Variants in FBN3 observed in about 807,000 individuals in gnomAD.
FBN3 encodes the protein fibrillin 3.
Under a neutral mutation model 330.1 loss-of-function variants are expected in FBN3, and 234 were observed. That is an observed-to-expected ratio of 0.71 (90% CI 0.64 to 0.79). The LOEUF (loss-of-function observed/expected upper bound fraction) is 0.79. Ranked by LOEUF, FBN3 falls within the 30% of genes least tolerant of loss-of-function variation. The pLI is 0.00. For synonymous variants in FBN3, 1,458 were observed against 1,517.3 expected, an observed-to-expected ratio of 0.96 and a Z score of 0.91; for missense variants, 3,606 against 3,886.9, an observed-to-expected ratio of 0.93 and a Z score of 1.92.
Position 8,117,574 on chromosome 19 carries a change from G to T in FBN3, c.3353C>A (p.Ser1118Tyr). 1 of 1,553,024 alleles carries T rather than the reference G, an allele frequency of 6.4e-7. No homozygotes were observed. ...GTACEDIDEC[S>Y]LSDGLCPHGQ... ...ATGGGGACACAGGCCATCACTCAGG[G>T]AGCACTCATCGATGTCTGTGGGGGA... Residue 1118 changes from serine to tyrosine, a missense_variant, in exon 27 of 64, where the codon TCC (serine) becomes TAC (tyrosine). By Grantham distance (144) the Ser-to-Tyr change is moderately radical (BLOSUM62 -2). Transcript: ENST00000600128.
intron 27 of FBN3, 77 bp downstream of exon 27, chr19:8,117,387 G>A: frequency 6.5e-7 from 1 of 1,545,646 alleles, no homozygotes; most frequent in South Asian, 1.2e-5. Flanking sequence ...TGGAGTTGAG[G>A]TGAGGACAGG....
rs753776208 is a variant in FBN3 at position 8,123,460 on chromosome 19, C to G, written c.3082+4G>C. The G allele has an allele frequency of 3.7e-6, 6 of 1,613,466 alleles. No homozygotes were observed. In the South Asian group the frequency reaches 6.6e-5, roughly 18 times the overall value. ...TCTCTCCAAGAGGCAGAGGTGGCACCTACCTGTGCAGTTCCGTTCCTGGGC... is the reference window on the plus strand; with the variant it reads ...TCTCTCCAAGAGGCAGAGGTGGCACGTACCTGTGCAGTTCCGTTCCTGGGC... On this transcript the variant is annotated splice_donor_region_variant and intron_variant, in intron 24 of 63. Transcript: ENST00000600128.
chr19:8,076,775 T>G (rs1056536768), intron 59 of FBN3, among the ~76,000 whole-genome samples: 1 of 152,208 alleles, frequency 6.6e-6, no homozygotes, highest in African/African-American at 2.4e-5. Flanking sequence ...TAATTTTGGT[T>G]TTTTTAGATA....
intron 53 of FBN3, 83 bp from the exon 54 acceptor site, chr19:8,087,294 C>G: frequency 7.0e-7 from 1 of 1,435,618 alleles, no homozygotes; most frequent in South Asian, 1.4e-5. Context: ...TGCGTCAGCC[C>G]TGTGGGACCT....
At chr19:8,105,165 G>C (rs2082411980) in intron 38 of FBN3, among the ~76,000 whole-genome samples, 1 of 151,824 alleles carries the variant, frequency 6.6e-6, no homozygotes, top group Admixed American at 6.6e-5. Flanking sequence ...ATGTTGGCCA[G>C]GCTGGTCTCG....
At chr19:8,133,281 T>A (rs1388687040) in intron 13 of FBN3, among the ~76,000 whole-genome samples, 175 bp from the exon 14 acceptor site, 2 of 152,218 alleles carry the variant, frequency 1.3e-5, no homozygotes, top group African/African-American at 4.8e-5. Context: ...CGCTGGGACG[T>A]TGAGTTCCCC....
chr19:8,146,001 A>C, intron 4 of FBN3, 63 bp from the exon 5 acceptor site: 1 of 1,503,076 alleles, frequency 6.7e-7, no homozygotes, highest in South Asian at 1.2e-5. Flanking sequence ...CCCTCCTAGG[A>C]AGGCTGCAGG....
chr19:8,104,034 AG>A (rs1350153997), intron 38 of FBN3, among the ~76,000 whole-genome samples: 1 of 151,928 alleles, frequency 6.6e-6, no homozygotes, highest in Non-Finnish European at 1.5e-5. Flanking sequence ...GCCACTTGGG[AG>A]GATCACTTGA....
Position 8,096,332 on chromosome 19 carries a change from A to G in FBN3, c.5539+112T>C. The G allele has an allele frequency of 7.3e-7, 1 of 1,364,042 alleles. No homozygotes were observed. Among genetic ancestry groups the G allele is most frequent in the Non-Finnish European group, 9.9e-7 (1 of 1,008,264 alleles). The allele number at this position is 1,364,042 out of a possible 1,614,324, so 84.5% of individuals were successfully genotyped here. ...CCCAAGATCTTAATCTCAGGACCCAAACTTGGATCTCTTTGTGAACTAGGA... is the reference window on the plus strand; with the variant it reads ...CCCAAGATCTTAATCTCAGGACCCAGACTTGGATCTCTTTGTGAACTAGGA... On this transcript the variant is annotated intron_variant, in intron 44 of 63. Transcript: ENST00000600128. The surrounding 1 kb of genome is among the most constrained non-coding windows in gnomAD (Gnocchi z 4.6).
chr19:8,123,703 C>T, intron 23 of FBN3, 81 bp downstream of exon 23: 1 of 1,593,542 alleles, frequency 6.3e-7, no homozygotes, highest in Non-Finnish European at 8.6e-7. Flanking sequence ...TTCCCCCAAA[C>T]ACACTTCCCA....
In FBN3 at chr19:8,075,230, C is replaced by T. The variant is rs2081612302; in HGVS notation, c.7583-40G>A. ...GAGGGAGAGAGGGTTTACCAGACGG[C>T]TCTCAGGACCAACACCCCCAAACAC... is the stretch of plus-strand genomic sequence containing the variant. On this transcript the variant is annotated intron_variant, in intron 60 of 63. Coordinates refer to ENST00000600128, the MANE Select transcript of FBN3 (RefSeq NM_032447.5). The T allele has an allele frequency of 1.9e-6, 3 of 1,578,470 alleles. No individual in the cohort carries two copies. In the African/African-American group the frequency reaches 4.0e-5, roughly 21 times the overall value.
chr19:8,125,159 T>C (rs1168834064), intron 22 of FBN3, among the ~76,000 whole-genome samples: 4 of 152,152 alleles, frequency 2.6e-5, no homozygotes, highest in African/African-American at 9.7e-5. Context: ...TCCGGGATGC[T>C]GAGGTAGGGG....
chr19:8,139,637 G>T (rs1445359448), intron 8 of FBN3, among the ~76,000 whole-genome samples: 3 of 151,820 alleles, frequency 2.0e-5, no homozygotes, highest in African/African-American at 7.3e-5. Flanking sequence ...GGAGTCGAGG[G>T]GTGGATTGAC....
Position 8,109,378 on chromosome 19 carries a change from G to A in FBN3, c.4467C>T (p.Ala1489=), listed in dbSNP as rs771119098. ...PSGVGCVDTR[A]GNCFLETHDR... ...CATGCGTCTCCAGGAAACAGTTCCC[G>A]GCCCGAGTGTCTGAACAGGCAGAAG... is the stretch of plus-strand genomic sequence containing the variant. Residue 1489 remains alanine, a synonymous_variant, in exon 36 of 64, where the codon GCC becomes GCT. Transcript: ENST00000600128. The surrounding 1 kb of genome is among the most constrained non-coding windows in gnomAD (Gnocchi z 5.2). The A allele has an allele frequency of 2.4e-5, 38 of 1,614,168 alleles. No homozygotes were observed. Among genetic ancestry groups the A allele is most frequent in the Middle Eastern group, 1.6e-4 (1 of 6,062 alleles).
At chr19:8,128,723 C>A (rs2083052793) in intron 18 of FBN3, among the ~76,000 whole-genome samples, 1 of 152,098 alleles carries the variant, frequency 6.6e-6, no homozygotes, top group African/African-American at 2.4e-5. Context: ...GTATACACGG[C>A]ATGTGCAGCG....
At position 8,129,193 on chromosome 19, in the gene FBN3, A is replaced by G; in HGVS notation, c.2171-40T>C. 3 of 1,612,314 alleles carry G rather than the reference A, an allele frequency of 1.9e-6. No individual in the cohort carries two copies. The highest frequency in any genetic ancestry group is 2.5e-6 in the Non-Finnish European group (3 of 1,179,156). On this transcript the variant is annotated intron_variant, in intron 17 of 63. Transcript: ENST00000600128. The surrounding 1 kb of genome is among the most constrained non-coding windows in gnomAD (Gnocchi z 4.5). ...TGGGAGAGAGGGGTGAGGGGTCTGC[A>G]GTGGGAGAGGCTGCCCACACATCCG...
chr19:8,093,114 C>G (rs987760530), intron 47 of FBN3, among the ~76,000 whole-genome samples: 4 of 151,812 alleles, frequency 2.6e-5, no homozygotes, highest in African/African-American at 9.7e-5. Context: ...GAAAATTGCA[C>G]AAAGCTAACT....
chr19:8,130,613 A>G (rs868807632), intron 16 of FBN3, among the ~76,000 whole-genome samples: 287 of 13,170 alleles, frequency 0.022, 35 homozygotes, highest in Middle Eastern at 0.091. Flanking sequence ...AGAAAGAAAG[A>G]AAGAAAGAAA....
At chr19:8,144,118 A>AT (rs1367195678) in intron 6 of FBN3, among the ~76,000 whole-genome samples, 1 of 151,776 alleles carries the variant, frequency 6.6e-6, no homozygotes, top group African/African-American at 2.4e-5. Context: ...AAATGGGATC[A>AT]TTTTTAAGAG....
Sources: allele counts gnomAD v4.1 joint callset (sites outside exome capture counted in the v4.1 genomes callset), GRCh38; gene constraint gnomAD v4.1.1; non-coding constraint Gnocchi (gnomAD v3.1); transcripts MANE v1.5; gene names NCBI Gene and HGNC (gene_info 2026-07-23, HGNC 2026-07-21).